The following PTPRT variants were observed in gnomAD, a reference collection of about 807,000 sequenced individuals.
PTPRT encodes the protein protein tyrosine phosphatase receptor type T.
PTPRT carries 56 observed loss-of-function variants against 176.8 expected under a neutral mutation model. That is an observed-to-expected ratio of 0.32 (90% CI 0.26 to 0.40). PTPRT has a LOEUF of 0.40. Ranked by LOEUF, PTPRT falls within the 10% of genes least tolerant of loss-of-function variation. The probability of loss-of-function intolerance (pLI) is 1.00; values close to 1 mark genes in which losing one functional copy is unlikely to be tolerated. For synonymous variants in PTPRT, 783 were observed against 739.0 expected, an observed-to-expected ratio of 1.06 and a Z score of -0.96; for missense variants, 1,540 against 1,908.2, an observed-to-expected ratio of 0.81 and a Z score of 3.60.
chr20:42,755,763 A>G (rs554284211), intron 6 of PTPRT, among the ~76,000 whole-genome samples: 1 of 152,330 alleles, frequency 6.6e-6, no homozygotes, highest in African/African-American at 2.4e-5. Context: ...GGAAAGAAAA[A>G]AACAAGACAC....
rs742066 is a variant in PTPRT at position 43,188,754 on chromosome 20, G to C, written c.88+892C>G. 5.2e-3 allele frequency among the ~76,000 whole-genome samples: 775 copies of C among 150,398 alleles called. 106 individuals carry two copies. Among genetic ancestry groups the C allele is most frequent in the African/African-American group, 0.018 (722 of 41,000 alleles). ...CTTCCCTCCGCCGCTACTCTTGGGG[G>C]GGGGGGGGCTCGGGGGTGGAAGCTG... On this transcript the variant is annotated intron_variant, in intron 1 of 30. Transcript: ENST00000373187.
chr20:43,019,837 C>T (rs1417816629), intron 1 of PTPRT, among the ~76,000 whole-genome samples: 1 of 151,736 alleles, frequency 6.6e-6, no homozygotes, highest in South Asian at 2.1e-4. Flanking sequence ...CTTCTCCTGC[C>T]CTTGAACATG....
At chr20:42,040,457 TAGAG>T in the PTPRT span, among the ~76,000 whole-genome samples, 1 of 152,282 alleles carries the variant, frequency 6.6e-6, no homozygotes, top group East Asian at 1.9e-4. Flanking sequence ...TTGATCATGA[TAGAG>T]AGATACCTTG....
chr20:43,131,044 G>A (rs976204378), intron 1 of PTPRT, among the ~76,000 whole-genome samples: 2 of 152,156 alleles, frequency 1.3e-5, no homozygotes, highest in African/African-American at 2.4e-5. Flanking sequence ...CTATCAGGAC[G>A]CAGGTAGAAA....
intron 15 of PTPRT, among the ~76,000 whole-genome samples, chr20:42,209,893 C>T (rs971763820): frequency 2.0e-5 from 3 of 152,066 alleles, no homozygotes; most frequent in African/African-American, 7.2e-5. Flanking sequence ...ATGCAAAAAT[C>T]CTCAATAAAA....
chr20:43,092,472 A>G (rs1339967107), intron 1 of PTPRT, among the ~76,000 whole-genome samples: 1 of 152,224 alleles, frequency 6.6e-6, no homozygotes, highest in East Asian at 1.9e-4. Context: ...AATATTTTGT[A>G]ATAGTAACTG....
chr20:42,323,766 A>G (rs2057840965), intron 11 of PTPRT, among the ~76,000 whole-genome samples: 2 of 152,050 alleles, frequency 1.3e-5, no homozygotes, highest in Non-Finnish European at 2.9e-5. Flanking sequence ...TGTAATAATA[A>G]TAAAATAAAA....
At chr20:42,344,607 C>T (rs1202407504) in intron 11 of PTPRT, among the ~76,000 whole-genome samples, 3 of 152,114 alleles carry the variant, frequency 2.0e-5, no homozygotes, top group Admixed American at 2.0e-4. Context: ...GGAGATGGTC[C>T]TGGATGTGGC....
At chr20:42,987,399 G>A (rs1474570891) in intron 1 of PTPRT, among the ~76,000 whole-genome samples, 2 of 152,202 alleles carry the variant, frequency 1.3e-5, no homozygotes, top group Admixed American at 6.5e-5. Context: ...GTGGTCGGCA[G>A]TGCAGATACA....
Position 42,184,789 on chromosome 20 carries a change from G to A in PTPRT, c.2491+14451C>T, listed in dbSNP as rs967598506. 6.2e-4 allele frequency among the ~76,000 whole-genome samples: 21 copies of A among 33,688 alleles called. No homozygotes were observed. In the East Asian group the frequency reaches 6.9e-3, roughly 11 times the overall value. 22.1% of individuals were successfully genotyped at this position (33,688 alleles called of 152,430 possible). On this transcript the variant is annotated intron_variant, in intron 16 of 30. Transcript: ENST00000373187. ...ATTACAGGCATGCACCACCACACCC[G>A]GCTAATTTTTTTTTTTTTGTATTTT...
intron 7 of PTPRT, among the ~76,000 whole-genome samples, chr20:42,497,327 T>A (rs1344168600): frequency 6.6e-6 from 1 of 152,104 alleles, no homozygotes. Context: ...TAAGGCACAT[T>A]CACTGGCATT....
intron 9 of PTPRT, among the ~76,000 whole-genome samples, chr20:42,389,015 C>T (rs1297120808): frequency 1.3e-5 from 2 of 151,796 alleles, no homozygotes; most frequent in Non-Finnish European, 1.5e-5. Context: ...TCTCAGCAAA[C>T]TATCGCAAGG....
intron 18 of PTPRT, among the ~76,000 whole-genome samples, chr20:42,136,558 TC>T (rs1181955409): frequency 6.6e-6 from 1 of 151,824 alleles, no homozygotes; most frequent in Non-Finnish European, 1.5e-5. Context: ...CTTTGTGGGG[TC>T]CTGGGAGGAG....
At chr20:42,184,061 A>T (rs147464576) in intron 16 of PTPRT, among the ~76,000 whole-genome samples, 3 of 152,156 alleles carry the variant, frequency 2.0e-5, no homozygotes, top group Non-Finnish European at 4.4e-5. Flanking sequence ...CATCCCTGAC[A>T]GATGCCACCT....
chr20:42,424,499 C>T (rs1192374969), intron 9 of PTPRT, among the ~76,000 whole-genome samples: 1 of 152,122 alleles, frequency 6.6e-6, no homozygotes, highest in African/African-American at 2.4e-5. Flanking sequence ...TGAGGGGGCT[C>T]GCTGTGCCTC....
intron 9 of PTPRT, among the ~76,000 whole-genome samples, chr20:42,420,973 T>C (rs766973286): frequency 1.4e-4 from 22 of 152,164 alleles, no homozygotes; most frequent in Non-Finnish European, 2.9e-4. Context: ...CACCACTGCC[T>C]CTTTTGAGTT....
chr20:42,043,671 C>T, the PTPRT span, among the ~76,000 whole-genome samples: 1 of 152,198 alleles, frequency 6.6e-6, no homozygotes, highest in East Asian at 1.9e-4. Context: ...GAGAAATAAA[C>T]ATCTGCTCTG....
intron 9 of PTPRT, among the ~76,000 whole-genome samples, chr20:42,354,856 GGAGA>G (rs1407229285): frequency 6.6e-6 from 1 of 152,078 alleles, no homozygotes; most frequent in Non-Finnish European, 1.5e-5. Flanking sequence ...GCATCCTTGA[GGAGA>G]GAGGTCAGAC....
intron 1 of PTPRT, among the ~76,000 whole-genome samples, chr20:43,030,861 G>T (rs1259333767): frequency 1.3e-5 from 2 of 152,310 alleles, no homozygotes; most frequent in Middle Eastern, 3.4e-3. Context: ...AAAGGGAAAA[G>T]CACAAACCCA....
Sources: allele counts gnomAD v4.1 joint callset (sites outside exome capture counted in the v4.1 genomes callset), GRCh38; gene constraint gnomAD v4.1.1; transcripts MANE v1.5; gene names NCBI Gene and HGNC (gene_info 2026-07-23, HGNC 2026-07-21).